LPL: variants seen among roughly 807,000 people sequenced by gnomAD.
LPL encodes the protein lipoprotein lipase, also known as phospholipase A1.
A neutral mutation model predicts 52.2 loss-of-function variants in LPL; 43 were observed. The observed-to-expected ratio is 0.82, with a 90% CI of 0.64 to 1.06. The LOEUF (loss-of-function observed/expected upper bound fraction) is 1.06, where lower values mean the gene tolerates loss of function less well. LPL is among the 50% of genes least tolerant of loss of function. The probability of loss-of-function intolerance (pLI) is 0.00; values close to 1 mark genes in which losing one functional copy is unlikely to be tolerated. For missense variants in LPL, 639 were observed against 585.3 expected (o/e 1.09, Z -0.95); for synonymous variants, 244 against 215.6 (o/e 1.13, Z -1.15).
chr8:19,947,424 G>C (rs948981847), intron 1 of LPL, among the ~76,000 whole-genome samples: 3 of 152,012 alleles, frequency 2.0e-5, no homozygotes, highest in African/African-American at 7.2e-5. Flanking sequence ...TGGATCACTT[G>C]AGCCCAGGAG....
chr8:19,955,891 A>G lies in LPL; in HGVS notation c.826A>G (p.Ile276Val). 1 of 1,614,138 alleles carries G rather than the reference A, an allele frequency of 6.2e-7. No individual in the cohort carries two copies. The highest frequency in any genetic ancestry group is 8.5e-7 in the Non-Finnish European group (1 of 1,180,024). ...CSHERSIHLFIDSLLNEENPS... is the reference protein window; with the variant it reads ...CSHERSIHLFVDSLLNEENPS... ...CCACGAGCGCTCCATTCATCTCTTC[A>G]TCGACTCTCTGTTGAATGAAGAAAA... Residue 276 changes from isoleucine (I) to valine (V), a missense_variant, in exon 6 of 10, where the codon ATC (isoleucine) becomes GTC (valine). By Grantham distance (29) the Ile-to-Val change is conservative. Transcript: ENST00000650287.
intron 1 of LPL, among the ~76,000 whole-genome samples, chr8:19,941,787 C>T (rs1375957301): frequency 6.6e-6 from 1 of 152,298 alleles, no homozygotes. Flanking sequence ...AGACAGGGAT[C>T]ACCTCCTCTG....
Position 19,954,203 on chromosome 8 carries a change from T to G in LPL, c.625T>G (p.Leu209Val). The G allele has an allele frequency of 6.2e-7, 1 of 1,614,172 alleles. No individual in the cohort carries two copies. Among genetic ancestry groups the G allele is most frequent in the Non-Finnish European group, 8.5e-7 (1 of 1,180,040 alleles). ...TGATGATGCAGATTTTGTAGACGTC[T>G]TACACACATTCACCAGAGGGTCCCC... ...SPDDADFVDV[L>V]HTFTRGSPGR... is the part of the protein sequence containing the mutation. Residue 209 changes from leucine to valine, a missense_variant, in exon 5 of 10, where the codon TTA becomes GTA. Coordinates refer to ENST00000650287, the MANE Select transcript of LPL (RefSeq NM_000237.3).
chr8:19,951,961 G>A lies in LPL; in HGVS notation c.429+13G>A, dbSNP rs1229792253. On this transcript the variant is annotated intron_variant, in intron 3 of 9. Transcript: ENST00000650287. Reference sequence around the variant, plus strand: ...CAACTGGATGGAGGTAAGACTGGGAGAAGGAGACTTATGTGTCCAAAACAG... The same window carrying A: ...CAACTGGATGGAGGTAAGACTGGGAAAAGGAGACTTATGTGTCCAAAACAG... 6 of 1,614,088 alleles carry A rather than the reference G, an allele frequency of 3.7e-6. No individual in the cohort carries two copies. The African/African-American group carries it at 6.7e-5, about 18-fold the overall frequency.
intron 6 of LPL, among the ~76,000 whole-genome samples, chr8:19,958,979 G>A (rs908892906): frequency 2.0e-5 from 3 of 152,284 alleles, no homozygotes; most frequent in Middle Eastern, 3.4e-3. Context: ...CCTCAAAGAT[G>A]GCTACTTCCT....
At chr8:19,947,479 G>T (rs2069891074) in intron 1 of LPL, among the ~76,000 whole-genome samples, 1 of 151,958 alleles carries the variant, frequency 6.6e-6, no homozygotes, top group Admixed American at 6.6e-5. Context: ...ATCTCTACAA[G>T]AAATACAAGT....
chr8:19,953,707 T>C (rs1339751650), intron 4 of LPL, among the ~76,000 whole-genome samples: 1 of 105,516 alleles, frequency 9.5e-6, no homozygotes, highest in Non-Finnish European at 1.8e-5. Flanking sequence ...CTCAGCTCTG[T>C]GTTTTAGTAG....
At chr8:19,954,722 A>G (rs901255168) in intron 5 of LPL, among the ~76,000 whole-genome samples, 2 of 152,224 alleles carry the variant, frequency 1.3e-5, no homozygotes, top group African/African-American at 4.8e-5. Context: ...ATGTTACTGG[A>G]ACAGAAGATG....
At position 19,963,460 on chromosome 8, in the gene LPL, A is replaced by G. The variant is rs28578146; in HGVS notation, c.1427+1241A>G. The stretch of plus-strand genomic sequence containing the variant: ...CAAAAAAAAAAAAAACATGCCTATT[A>G]GGAAAAGTATATTAAAGACCCTATG... On this transcript the variant is annotated intron_variant, in intron 9 of 9. Transcript: ENST00000650287. 2.2e-3 allele frequency among the ~76,000 whole-genome samples: 335 copies of G among 151,382 alleles called. 1 individual carries two copies. Among genetic ancestry groups the G allele is most frequent in the African/African-American group, 7.8e-3 (324 of 41,302 alleles).
chr8:19,953,741 AG>A (rs2069957772), intron 4 of LPL, among the ~76,000 whole-genome samples: 1 of 152,176 alleles, frequency 6.6e-6, no homozygotes, highest in Non-Finnish European at 1.5e-5. Flanking sequence ...CAGTACTAGG[AG>A]AAAAGAAGAA....
intron 2 of LPL, among the ~76,000 whole-genome samples, chr8:19,949,746 G>T (rs2069917069): frequency 6.6e-6 from 1 of 152,348 alleles, no homozygotes; most frequent in South Asian, 2.1e-4. Flanking sequence ...GCCTCCCAAA[G>T]TGTTGGGATG....
intron 7 of LPL, among the ~76,000 whole-genome samples, chr8:19,959,724 A>G (rs1228807788): frequency 6.6e-6 from 1 of 150,782 alleles, no homozygotes; most frequent in Non-Finnish European, 1.5e-5. Context: ...AGATGTACAT[A>G]TAATATGTAC....
At position 19,950,021 on chromosome 8, in the gene LPL, A is replaced by G. The variant is rs572422841; in HGVS notation, c.249+1681A>G. Among the ~76,000 whole-genome samples the G allele has an allele frequency of 1.3e-5, 2 of 152,318 alleles. No homozygotes were observed. Among genetic ancestry groups the G allele is most frequent in the South Asian group, 4.2e-4 (2 of 4,818 alleles). On this transcript the variant is annotated intron_variant, in intron 2 of 9. Coordinates refer to ENST00000650287, the MANE Select transcript of LPL (RefSeq NM_000237.3). The surrounding 1 kb of genome is among the most constrained non-coding windows in gnomAD (Gnocchi z 4.2). Reference sequence around the variant, plus strand: ...ATATCAACAGACGGTGCCACTTCCTATCATTGGTCCTACTGCCTCACTAAG... The same window carrying G: ...ATATCAACAGACGGTGCCACTTCCTGTCATTGGTCCTACTGCCTCACTAAG...
intron 7 of LPL, among the ~76,000 whole-genome samples, chr8:19,960,534 GAGAATAA>G (rs1423166149): frequency 3.9e-5 from 6 of 152,118 alleles, no homozygotes; most frequent in Non-Finnish European, 8.8e-5. Context: ...AAAATCTGAA[GAGAATAA>G]AGAATAGAGA....
rs886907474 is a variant in LPL at position 19,939,578 on chromosome 8, C to T, written c.88+50C>T. ...TCCACCTGCAGACCCGGCGGGTGGC[C>T]ACTGCCACCCGAACTGAGGATGAGA... On this transcript the variant is annotated intron_variant, in intron 1 of 9. Coordinates refer to ENST00000650287, the MANE Select transcript of LPL (RefSeq NM_000237.3). The surrounding 1 kb of genome is among the most constrained non-coding windows in gnomAD (Gnocchi z 4.0). 1 of 1,526,878 alleles carries T rather than the reference C, an allele frequency of 6.5e-7. No individual in the cohort carries two copies. Among genetic ancestry groups the T allele is most frequent in the Non-Finnish European group, 8.9e-7 (1 of 1,120,412 alleles). 94.6% of individuals were successfully genotyped at this position (1,526,878 alleles called of 1,614,324 possible).
Position 19,955,738 on chromosome 8 carries a change from A to T in LPL, c.776-103A>T, listed in dbSNP as rs542132026. Reference sequence around the variant, plus strand: ...ATGCACAGGACTATATCCTTGGGTGATTCTACTCTAACACCACATCTCACC... The same window carrying T: ...ATGCACAGGACTATATCCTTGGGTGTTTCTACTCTAACACCACATCTCACC... On this transcript the variant is annotated intron_variant, in intron 5 of 9. Transcript: ENST00000650287. 38 of 1,441,946 alleles carry T rather than the reference A, an allele frequency of 2.6e-5. 1 individual carries two copies. The East Asian group carries it at 8.4e-4, about 32-fold the overall frequency. 89.3% of individuals were successfully genotyped at this position (1,441,946 alleles called of 1,614,324 possible).
chr8:19,958,903 G>C (rs975918627), intron 6 of LPL, among the ~76,000 whole-genome samples: 1 of 152,194 alleles, frequency 6.6e-6, no homozygotes, highest in Non-Finnish European at 1.5e-5. Flanking sequence ...GATGGCCAAG[G>C]ATGGCGGAGT....
At chr8:19,962,306 C>T in intron 9 of LPL, 87 bp downstream of exon 9, 1 of 968,340 alleles carries the variant, frequency 1.0e-6, no homozygotes, top group Non-Finnish European at 1.7e-6. Context: ...CACCCCATCA[C>T]CAGCAGCTTG....
chr8:19,958,327 G>A (rs2698206), intron 6 of LPL, among the ~76,000 whole-genome samples: 1 of 152,030 alleles, frequency 6.6e-6, no homozygotes, highest in Non-Finnish European at 1.5e-5. Context: ...TGGCCTCCAA[G>A]AACTCTTTTT....
Sources: gnomAD v4.1 joint callset for allele counts (sites outside exome capture counted in the v4.1 genomes callset) on GRCh38, gnomAD v4.1.1 for gene constraint, Gnocchi (gnomAD v3.1) non-coding constraint, MANE v1.5 for transcripts, NCBI Gene and HGNC (gene_info 2026-07-23, HGNC 2026-07-21) for gene names.